Variants in DAB1 observed in about 807,000 individuals in gnomAD.
DAB1 encodes the protein DAB adaptor protein 1.
DAB1 carries 15 observed loss-of-function variants against 64.6 expected under a neutral mutation model. The ratio of observed to expected loss-of-function variants is 0.23; its 90% CI spans 0.16 to 0.36. The LOEUF (loss-of-function observed/expected upper bound fraction) is 0.36, where lower values mean the gene tolerates loss of function less well. DAB1 is among the 10% of genes least tolerant of loss of function. DAB1 has a pLI of 1.00. For synonymous variants in DAB1, 235 were observed against 251.9 expected, an observed-to-expected ratio of 0.93 and a Z score of 0.64; for missense variants, 596 against 706.7, an observed-to-expected ratio of 0.84 and a Z score of 1.78.
In DAB1 at chr1:57,014,922, A is replaced by T. The variant is rs778493086; in HGVS notation, c.1405T>A (p.Leu469Met). The T allele has an allele frequency of 2.5e-6, 4 of 1,601,394 alleles. No homozygotes were observed. The African/African-American group carries it at 5.4e-5, about 21-fold the overall frequency. Residue 469 changes from leucine to methionine, a missense_variant, in exon 12 of 15, where the codon TTG (leucine) becomes ATG (methionine). Physicochemically the swap from Leu to Met is conservative, Grantham distance 15. Around this residue, in one of 3 missense-constraint regions of DAB1, gnomAD observed 377 missense variants for 400.4 expected, o/e 0.94. Coordinates refer to ENST00000371236, the MANE Select transcript of DAB1 (RefSeq NM_001365792.1). ...CDDFDISQLN[L>M]TPVTSTTPST... ...GGTGTGGTAGAAGTCACAGGGGTCAAATTCAACTGGGAGATGTCAAAGTCA... is the reference window on the plus strand; with the variant it reads ...GGTGTGGTAGAAGTCACAGGGGTCATATTCAACTGGGAGATGTCAAAGTCA...
intron 3 of DAB1, among the ~76,000 whole-genome samples, chr1:58,421,111 T>C (rs775731806): frequency 2.0e-5 from 3 of 152,190 alleles, no homozygotes; most frequent in Non-Finnish European, 4.4e-5. Context: ...TCCAAAGACA[T>C]TGACTTATTT....
At chr1:57,246,256 A>AAATGGTT (rs1349683756) in intron 2 of DAB1, among the ~76,000 whole-genome samples, 224 of 152,320 alleles carry the variant, frequency 1.5e-3, no homozygotes, top group African/African-American at 5.3e-3. Context: ...GCAAGAACCT[A>AAATGGTT]CCACCCGCTG....
chr1:58,454,341 G>A (rs1199505729), intron 3 of DAB1, among the ~76,000 whole-genome samples: 1 of 152,158 alleles, frequency 6.6e-6, no homozygotes, highest in Admixed American at 6.5e-5. Context: ...GCAGTTTGGG[G>A]GCAGCCAGTG....
intron 6 of DAB1, among the ~76,000 whole-genome samples, chr1:57,690,339 A>G (rs1646749269): frequency 6.6e-6 from 1 of 152,076 alleles, no homozygotes; most frequent in Non-Finnish European, 1.5e-5. Context: ...GAGGAGGGGC[A>G]TGGTGGGGGG....
At chr1:58,458,734 G>T (rs180757618) in intron 3 of DAB1, among the ~76,000 whole-genome samples, 59 of 152,252 alleles carry the variant, frequency 3.9e-4, no homozygotes, top group South Asian at 3.1e-3. Context: ...AACCCAGGAG[G>T]TGGAGGTTGC....
chr1:57,289,148 C>T (rs1432023945), intron 2 of DAB1, among the ~76,000 whole-genome samples: 1 of 152,156 alleles, frequency 6.6e-6, no homozygotes, highest in Non-Finnish European at 1.5e-5. Context: ...AAAGGGTCAC[C>T]TTCATGCTCT....
chr1:58,449,615 T>C (rs1645110373), intron 3 of DAB1, among the ~76,000 whole-genome samples: 1 of 152,138 alleles, frequency 6.6e-6, no homozygotes, highest in South Asian at 2.1e-4. Flanking sequence ...AGGTTGGAGG[T>C]AAGACACCAC....
intron 4 of DAB1, among the ~76,000 whole-genome samples, chr1:58,154,449 G>GTTA (rs1655110944): frequency 7.2e-6 from 1 of 138,394 alleles, no homozygotes; most frequent in African/African-American, 2.9e-5. Context: ...GTGTCATGCA[G>GTTA]TTCTTCATTC....
intron 4 of DAB1, among the ~76,000 whole-genome samples, chr1:57,081,241 T>A (rs767322535): frequency 2.6e-5 from 4 of 152,190 alleles, no homozygotes; most frequent in Non-Finnish European, 5.9e-5. Flanking sequence ...GGAAGATCAC[T>A]TAACATGTCT....
chr1:57,409,897 T>G (rs1185646314), intron 1 of DAB1, among the ~76,000 whole-genome samples: 1 of 152,148 alleles, frequency 6.6e-6, no homozygotes, highest in Admixed American at 6.5e-5. Flanking sequence ...AACTATGCTG[T>G]GGGATTTGAC....
intron 6 of DAB1, among the ~76,000 whole-genome samples, chr1:57,650,456 T>C (rs914567722): frequency 1.1e-4 from 8 of 71,068 alleles, no homozygotes; most frequent in Non-Finnish European, 6.9e-5. Context: ...AAACACCAAA[T>C]AGAGGAATAA....
rs184298297 is a variant in DAB1 at position 58,540,736 on chromosome 1, A to C, written n.32+5967T>G. The stretch of plus-strand genomic sequence containing the variant: ...ATAATAAAAAAAGGCACAGGGCATC[A>C]ATGAGGTATGCAATAACTTCAAGTG... On this transcript the variant is annotated intron_variant and non_coding_transcript_variant, in intron 1 of 20. Transcript: ENST00000485760. 2.6e-5 allele frequency among the ~76,000 whole-genome samples: 4 copies of C among 151,954 alleles called. No individual in the cohort carries two copies. In the East Asian group the frequency reaches 7.7e-4, roughly 29 times the overall value.
intron 3 of DAB1, among the ~76,000 whole-genome samples, chr1:58,434,037 A>G (rs894001141): frequency 1.3e-5 from 2 of 152,192 alleles, no homozygotes; most frequent in Non-Finnish European, 2.9e-5. Flanking sequence ...GCAAGTATAA[A>G]GAGAGGTGAC....
chr1:57,581,347 A>T (rs1315715697), intron 7 of DAB1, among the ~76,000 whole-genome samples: 1 of 152,226 alleles, frequency 6.6e-6, no homozygotes, highest in African/African-American at 2.4e-5. Context: ...AATTTTTTTA[A>T]AAATACTATG....
At chr1:57,462,305 G>T (rs1012281148) in intron 7 of DAB1, among the ~76,000 whole-genome samples, 1 of 152,130 alleles carries the variant, frequency 6.6e-6, no homozygotes, top group African/African-American at 2.4e-5. Context: ...AGACTTCCCT[G>T]CCTATTTTTG....
chr1:58,440,823 T>G (rs756951455), intron 3 of DAB1, among the ~76,000 whole-genome samples: 34 of 152,122 alleles, frequency 2.2e-4, no homozygotes, highest in Non-Finnish European at 4.6e-4. Context: ...CAGAGACAGA[T>G]CCTGAGACAA....
At chr1:57,459,052 G>A (rs1203397361) in intron 7 of DAB1, among the ~76,000 whole-genome samples, 1 of 151,996 alleles carries the variant, frequency 6.6e-6, no homozygotes, top group Non-Finnish European at 1.5e-5. Context: ...ATAATAATCA[G>A]TTTTAAAAAT....
intron 5 of DAB1, among the ~76,000 whole-genome samples, chr1:58,066,627 T>C (rs1053534953): frequency 6.6e-6 from 1 of 152,152 alleles, no homozygotes; most frequent in Admixed American, 6.5e-5. Flanking sequence ...CAAGGTTGCA[T>C]AATGAGTAAG....
intron 3 of DAB1, among the ~76,000 whole-genome samples, chr1:58,396,298 C>G (rs1160917322): frequency 6.6e-6 from 1 of 152,110 alleles, no homozygotes; most frequent in Non-Finnish European, 1.5e-5. Flanking sequence ...ACAAAGATGT[C>G]TAGTTGCATC....
Sources: gnomAD v4.1 joint callset for allele counts (sites outside exome capture counted in the v4.1 genomes callset) on GRCh38, gnomAD v4.1.1 for gene constraint, gnomAD v4.1.1 regional missense constraint, MANE v1.5 for transcripts, NCBI Gene and HGNC (gene_info 2026-07-23, HGNC 2026-07-21) for gene names.